Variants in PLCL1 observed in about 807,000 individuals in gnomAD.
The protein encoded by PLCL1 is inactive phospholipase C-like protein 1.
In PLCL1, 41 loss-of-function variants were observed where a neutral mutation model predicts 84.4. The observed-to-expected ratio is 0.49, with a 90% CI of 0.38 to 0.63. The LOEUF (loss-of-function observed/expected upper bound fraction) is 0.63, where lower values mean the gene tolerates loss of function less well. Among genes scored for constraint, PLCL1 ranks in the 30% least tolerant of loss-of-function variants. The probability of loss-of-function intolerance (pLI) is 0.00; values close to 1 mark genes in which losing one functional copy is unlikely to be tolerated. For missense variants in PLCL1, 1,206 were observed against 1,367.8 expected (o/e 0.88, Z 1.87); for synonymous variants, 490 against 488.3 (o/e 1.00, Z -0.05).
intron 1 of PLCL1, among the ~76,000 whole-genome samples, chr2:197,986,077 A>G (rs1306349719): frequency 2.6e-5 from 4 of 152,206 alleles, no homozygotes; most frequent in African/African-American, 9.7e-5. Flanking sequence ...AGATTCCTAT[A>G]TGACATCCTT....
intron 5 of PLCL1, among the ~76,000 whole-genome samples, chr2:198,113,077 C>T (rs1218013834): frequency 6.6e-6 from 1 of 151,836 alleles, no homozygotes; most frequent in Non-Finnish European, 1.5e-5. Flanking sequence ...GGGTTATAAA[C>T]TAAGTTTGAT....
At chr2:197,923,781 T>G (rs1396303272) in intron 1 of PLCL1, among the ~76,000 whole-genome samples, 1 of 152,034 alleles carries the variant, frequency 6.6e-6, no homozygotes, top group Non-Finnish European at 1.5e-5. Context: ...GCTGCAATCT[T>G]GGCACCCTGG....
chr2:198,020,599 T>C (rs769369287), intron 1 of PLCL1, among the ~76,000 whole-genome samples: 4 of 151,150 alleles, frequency 2.6e-5, no homozygotes, highest in Non-Finnish European at 5.9e-5. Flanking sequence ...ATTGCAATCC[T>C]AGACTCTGGT....
intron 1 of PLCL1, among the ~76,000 whole-genome samples, chr2:197,916,451 C>T (rs955129529): frequency 6.6e-6 from 1 of 152,084 alleles, no homozygotes; most frequent in Non-Finnish European, 1.5e-5. Flanking sequence ...ATTTATAAAA[C>T]AGAGATACTG....
chr2:198,099,871 A>G (rs1693289302), intron 3 of PLCL1, among the ~76,000 whole-genome samples: 1 of 152,124 alleles, frequency 6.6e-6, no homozygotes, highest in South Asian at 2.1e-4. Flanking sequence ...CATTTGTTTT[A>G]CTTTCTGATG....
intron 1 of PLCL1, chr2:197,810,340 A>C (rs1690558228): frequency 9.2e-7 from 1 of 1,081,388 alleles, no homozygotes; most frequent in African/African-American, 1.6e-5. Flanking sequence ...GCTTTGTCTT[A>C]CTTTGATGAA....
chr2:197,948,198 G>A (rs1240199448), intron 1 of PLCL1, among the ~76,000 whole-genome samples: 1 of 152,158 alleles, frequency 6.6e-6, no homozygotes, highest in Non-Finnish European at 1.5e-5. Context: ...GTGAGAGAGT[G>A]AGTGAATTCA....
At chr2:197,875,187 G>A (rs950387999) in intron 1 of PLCL1, among the ~76,000 whole-genome samples, 1 of 152,082 alleles carries the variant, frequency 6.6e-6, no homozygotes, top group Admixed American at 6.5e-5. Flanking sequence ...TCGGGAGGCT[G>A]AGGCAGGAGG....
At chr2:198,087,310 GT>G (rs1383680022) in intron 2 of PLCL1, among the ~76,000 whole-genome samples, 1 of 152,006 alleles carries the variant, frequency 6.6e-6, no homozygotes, top group East Asian at 1.9e-4. Flanking sequence ...TCAATATTAA[GT>G]TTTCTTTCCT....
chr2:197,934,150 T>C (rs1335539025), intron 1 of PLCL1, among the ~76,000 whole-genome samples: 1 of 152,226 alleles, frequency 6.6e-6, no homozygotes, highest in East Asian at 1.9e-4. Context: ...GTTTCTTTCT[T>C]ATCTCAGTAA....
intron 5 of PLCL1, among the ~76,000 whole-genome samples, chr2:198,140,769 G>A (rs1487437314): frequency 6.6e-6 from 1 of 152,026 alleles, no homozygotes; most frequent in Non-Finnish European, 1.5e-5. Context: ...TTTCTTTAAA[G>A]TGTCTTCTAT....
chr2:198,134,422 A>C (rs1694205266), intron 5 of PLCL1, among the ~76,000 whole-genome samples: 1 of 152,124 alleles, frequency 6.6e-6, no homozygotes, highest in African/African-American at 2.4e-5. Flanking sequence ...TAGCTGCCTT[A>C]GCCTCATTCA....
intron 5 of PLCL1, among the ~76,000 whole-genome samples, chr2:198,108,813 G>A (rs370943539): frequency 6.6e-5 from 10 of 151,828 alleles, no homozygotes; most frequent in African/African-American, 1.9e-4. Flanking sequence ...CTTGTTTAGC[G>A]TATCTTTTGC....
rs761607716 is a variant in PLCL1 at position 198,086,235 on chromosome 2, A to T, written c.2715+3A>T. 5.1e-6 allele frequency: 8 copies of T among 1,567,186 alleles called. No individual in the cohort carries two copies. In the Admixed American group the frequency reaches 1.4e-4, roughly 27 times the overall value. On this transcript the variant is annotated splice_donor_region_variant and intron_variant, in intron 2 of 5. Coordinates refer to ENST00000428675, the MANE Select transcript of PLCL1 (RefSeq NM_006226.4). ...TAGATATGAGAGAAAATATGCAGGT[A>T]GGAGAAACACTCACACTCTCCTTCC...
At chr2:197,866,211 T>A in intron 1 of PLCL1, among the ~76,000 whole-genome samples, 1 of 135,424 alleles carries the variant, frequency 7.4e-6, no homozygotes, top group Non-Finnish European at 1.5e-5. Flanking sequence ...ATATATATAG[T>A]TAGTTTAAGA....
chr2:198,088,930 C>G lies in PLCL1; in HGVS notation c.2788C>G (p.Leu930Val). The G allele has an allele frequency of 6.2e-7, 1 of 1,612,758 alleles. No homozygotes were observed. Among genetic ancestry groups the G allele is most frequent in the Non-Finnish European group, 8.5e-7 (1 of 1,178,766 alleles). ...IASLKQCLLT[L>V]SSRLITSDNT... ...CAGTCTGAAGCAGTGCCTGTTAACT[C>G]TGTCATCTCGGCTCATCACCAGTGA... The change falls in exon 3 of 6, where the codon CTG (leucine) becomes GTG (valine). Residue 930 changes from leucine to valine, a missense_variant. Physicochemically the swap from Leu to Val is conservative, Grantham distance 32. Coordinates refer to ENST00000428675, the MANE Select transcript of PLCL1 (RefSeq NM_006226.4).
chr2:197,925,125 T>G (rs918439965), intron 1 of PLCL1, among the ~76,000 whole-genome samples: 1 of 152,196 alleles, frequency 6.6e-6, no homozygotes, highest in Non-Finnish European at 1.5e-5. Flanking sequence ...TTTATGAATG[T>G]GCCGGCTAGG....
intron 5 of PLCL1, among the ~76,000 whole-genome samples, chr2:198,135,577 C>G (rs549997950): frequency 6.6e-6 from 1 of 152,288 alleles, no homozygotes; most frequent in East Asian, 1.9e-4. Flanking sequence ...GCAGTTGAAT[C>G]ATATTTTTAA....
At chr2:197,863,841 G>A (rs975388500) in intron 1 of PLCL1, among the ~76,000 whole-genome samples, 1 of 152,190 alleles carries the variant, frequency 6.6e-6, no homozygotes, top group Admixed American at 6.5e-5. Context: ...ATAAGGAACA[G>A]TGTCAGAGGA....
Sources: gnomAD v4.1 joint callset for allele counts (sites outside exome capture counted in the v4.1 genomes callset) on GRCh38, gnomAD v4.1.1 for gene constraint, MANE v1.5 for transcripts, NCBI Gene and HGNC (gene_info 2026-07-23, HGNC 2026-07-21) for gene names.